Variants in DLGAP1 observed in about 807,000 individuals in gnomAD.
DLGAP1 encodes DLG associated protein 1.
Under a neutral mutation model 90.8 loss-of-function variants are expected in DLGAP1, and 11 were observed. That is an observed-to-expected ratio of 0.12 (90% CI 0.08 to 0.20). The LOEUF is 0.20. Among genes scored for constraint, DLGAP1 ranks in the 10% least tolerant of loss-of-function variants. The pLI, the probability that DLGAP1 is intolerant of heterozygous loss-of-function variation, is 1.00. For synonymous variants in DLGAP1, 558 were observed against 540.7 expected (o/e 1.03, Z -0.44); for missense variants, 1,050 against 1,333.8 (o/e 0.79, Z 3.31).
intron 5 of DLGAP1, among the ~76,000 whole-genome samples, chr18:3,796,519 T>C (rs1044051811): frequency 6.6e-6 from 1 of 152,206 alleles, no homozygotes; most frequent in African/African-American, 2.4e-5. Context: ...TAACATTCCA[T>C]TGGTAGGATT....
At chr18:4,254,294 A>G (rs1008376225) in intron 1 of DLGAP1, among the ~76,000 whole-genome samples, 8 of 152,218 alleles carry the variant, frequency 5.3e-5, no homozygotes, top group Admixed American at 3.3e-4. Flanking sequence ...TTAAATGGAA[A>G]CTGAAACTTG....
rs879024956 is a variant in DLGAP1, at chr18:3,814,296, A to C, written c.958-23T>G. 4.4e-6 allele frequency: 7 copies of C among 1,596,286 alleles called. No homozygotes were observed. The South Asian group carries it at 5.6e-5, about 13-fold the overall frequency. On this transcript the variant is annotated intron_variant, in intron 4 of 12. Transcript: ENST00000315677. Reference sequence around the variant, plus strand: ...AACCTATTCAGATAGAAAACAGATAAATCACTTTTTATAAAAGCCTACCTT... The same window carrying C: ...AACCTATTCAGATAGAAAACAGATACATCACTTTTTATAAAAGCCTACCTT...
intron 4 of DLGAP1, among the ~76,000 whole-genome samples, chr18:3,877,855 G>C (rs1432276084): frequency 6.6e-6 from 1 of 152,182 alleles, no homozygotes; most frequent in African/African-American, 2.4e-5. Flanking sequence ...CAGGAAATTA[G>C]GCAACACCAG....
intron 3 of DLGAP1, among the ~76,000 whole-genome samples, chr18:3,989,802 C>T (rs59121266): frequency 2.6e-5 from 4 of 151,764 alleles, no homozygotes; most frequent in South Asian, 2.1e-4. Flanking sequence ...AACAAACAAC[C>T]CCATCAAAAA....
At chr18:3,669,216 T>C (rs772263492) in intron 7 of DLGAP1, among the ~76,000 whole-genome samples, 9 of 151,986 alleles carry the variant, frequency 5.9e-5, no homozygotes, top group Non-Finnish European at 1.2e-4. Context: ...CTTTAAAATC[T>C]TGCGTATTAT....
At chr18:4,373,767 G>T (rs1391758016) in intron 1 of DLGAP1, among the ~76,000 whole-genome samples, 1 of 152,112 alleles carries the variant, frequency 6.6e-6, no homozygotes, top group East Asian at 1.9e-4. Flanking sequence ...CTCAGCCAAA[G>T]AAAGGGTCCT....
chr18:4,159,434 A>C (rs1486160319), intron 1 of DLGAP1, among the ~76,000 whole-genome samples: 1 of 152,160 alleles, frequency 6.6e-6, no homozygotes, highest in Non-Finnish European at 1.5e-5. Context: ...CAAGCCTTTG[A>C]ATCTTTGCTG....
intron 7 of DLGAP1, among the ~76,000 whole-genome samples, chr18:3,677,629 G>T (rs1421687016): frequency 6.6e-6 from 1 of 152,152 alleles, no homozygotes. Flanking sequence ...CCAGTGCTCA[G>T]CCACATCCAG....
At chr18:4,134,818 A>C (rs1391650850) in intron 2 of DLGAP1, among the ~76,000 whole-genome samples, 1 of 152,096 alleles carries the variant, frequency 6.6e-6, no homozygotes, top group Non-Finnish European at 1.5e-5. Context: ...ATAATTAAAG[A>C]GGGCGATACT....
At chr18:4,256,532 T>C (rs1341837146) in intron 1 of DLGAP1, among the ~76,000 whole-genome samples, 1 of 152,182 alleles carries the variant, frequency 6.6e-6, no homozygotes, top group African/African-American at 2.4e-5. Flanking sequence ...TTAGATTCCT[T>C]AGGGGGAAAT....
chr18:3,962,529 A>G (rs1015234760), intron 3 of DLGAP1: 2 of 152,142 alleles, frequency 1.3e-5, no homozygotes, highest in Non-Finnish European at 1.5e-5. Flanking sequence ...CAAGCTGTGT[A>G]CTTCAGGGAA....
intron 1 of DLGAP1, among the ~76,000 whole-genome samples, chr18:4,343,029 C>T (rs529157007): frequency 3.9e-5 from 6 of 152,136 alleles, no homozygotes; most frequent in South Asian, 2.1e-4. Flanking sequence ...ATTATGGGGC[C>T]GGGCGCGGTG....
chr18:4,078,300 C>G (rs1355888485), intron 2 of DLGAP1, among the ~76,000 whole-genome samples: 1 of 152,104 alleles, frequency 6.6e-6, no homozygotes, highest in Non-Finnish European at 1.5e-5. Flanking sequence ...ATTGGAACAG[C>G]CAATGTGACT....
At chr18:3,524,812 C>T (rs1396122587) in intron 10 of DLGAP1, among the ~76,000 whole-genome samples, 7 of 152,288 alleles carry the variant, frequency 4.6e-5, no homozygotes, top group South Asian at 4.1e-4. Flanking sequence ...TTCTCATTTA[C>T]GAGTGTGTCC....
intron 1 of DLGAP1, among the ~76,000 whole-genome samples, chr18:4,207,063 G>C (rs531661144): frequency 2.0e-3 from 299 of 152,280 alleles, no homozygotes; most frequent in African/African-American, 6.9e-3. Context: ...CACTGAGGTG[G>C]AGGAAAGACC....
intron 9 of DLGAP1, among the ~76,000 whole-genome samples, chr18:3,551,743 C>T (rs1222805978): frequency 1.3e-5 from 1 of 78,158 alleles, no homozygotes; most frequent in African/African-American, 5.1e-5. Context: ...TTCCTTCCTT[C>T]CTTCCTTCCT....
In DLGAP1 at chr18:3,911,169, C is replaced by T. The variant is rs556717322; in HGVS notation, c.-72-31029G>A. ...AAAAGCGTTGACTGGGCACCTACTT[C>T]GAGCCATGTTTAGGGTGCAGTTTTT... On this transcript the variant is annotated intron_variant, in intron 3 of 12. Transcript: ENST00000315677. 5.3e-5 allele frequency among the ~76,000 whole-genome samples: 8 copies of T among 152,240 alleles called. No homozygotes were observed. The East Asian group carries it at 1.4e-3, about 26-fold the overall frequency.
At chr18:3,680,570 G>GCCA in intron 7 of DLGAP1, among the ~76,000 whole-genome samples, 1 of 152,176 alleles carries the variant, frequency 6.6e-6, no homozygotes. Flanking sequence ...GGCAGATCAT[G>GCCA]GAGTCAGGAG....
chr18:3,794,789 C>T (rs913863012), intron 5 of DLGAP1, among the ~76,000 whole-genome samples: 6 of 152,320 alleles, frequency 3.9e-5, no homozygotes, highest in African/African-American at 9.6e-5. Context: ...TATTCAGCAG[C>T]GGAGGAAGCT....
Sources: gnomAD v4.1 joint callset for allele counts (sites outside exome capture counted in the v4.1 genomes callset) on GRCh38, gnomAD v4.1.1 for gene constraint, MANE v1.5 for transcripts, NCBI Gene and HGNC (gene_info 2026-07-23, HGNC 2026-07-21) for gene names.